Variants in KCTD8 observed in about 807,000 individuals in gnomAD.
KCTD8 encodes the protein BTB/POZ domain-containing protein KCTD8.
In KCTD8, 27 loss-of-function variants were observed where a neutral mutation model predicts 31.5. The observed-to-expected ratio is 0.86, with a 90% CI of 0.63 to 1.18. The LOEUF is 1.18. KCTD8 is among the 50% of genes most tolerant of loss of function. KCTD8 has a pLI of 0.00. For synonymous variants in KCTD8, 290 were observed against 280.0 expected (o/e 1.04, Z -0.36); for missense variants, 658 against 647.7 (o/e 1.02, Z -0.17).
At chr4:44,298,498 C>T (rs984092239) in intron 1 of KCTD8, among the ~76,000 whole-genome samples, 16 of 151,726 alleles carry the variant, frequency 1.1e-4, no homozygotes, top group African/African-American at 3.9e-4. Flanking sequence ...ACCACAGTTT[C>T]CTACATTTTT....
chr4:44,214,846 T>G (rs1056460956), intron 1 of KCTD8, among the ~76,000 whole-genome samples: 2 of 152,172 alleles, frequency 1.3e-5, no homozygotes, highest in African/African-American at 4.8e-5. Context: ...AGTAATAGTT[T>G]AGGAGTCATG....
chr4:44,332,747 T>C (rs1718622802), intron 1 of KCTD8, among the ~76,000 whole-genome samples: 2 of 152,002 alleles, frequency 1.3e-5, no homozygotes, highest in African/African-American at 4.8e-5. Flanking sequence ...GACAAATCCA[T>C]CATACAAATT....
intron 1 of KCTD8, among the ~76,000 whole-genome samples, chr4:44,423,616 A>C (rs1560451281): frequency 6.6e-6 from 1 of 152,098 alleles, no homozygotes; most frequent in Non-Finnish European, 1.5e-5. Context: ...GCAAACCCAG[A>C]ATTCTAAAGA....
chr4:44,315,117 GAGTT>G (rs1053118550), intron 1 of KCTD8, among the ~76,000 whole-genome samples: 8 of 151,792 alleles, frequency 5.3e-5, no homozygotes, highest in Non-Finnish European at 1.0e-4. Context: ...AAATGTTTGT[GAGTT>G]AATCATTTTA....
intron 1 of KCTD8, among the ~76,000 whole-genome samples, chr4:44,431,384 T>C (rs1250641504): frequency 6.6e-6 from 1 of 151,566 alleles, no homozygotes; most frequent in Non-Finnish European, 1.5e-5. Flanking sequence ...ATCTTCGGGA[T>C]AAAGATCTTA....
intron 1 of KCTD8, among the ~76,000 whole-genome samples, chr4:44,235,575 ATTT>A (rs1715252124): frequency 2.9e-5 from 2 of 69,332 alleles, no homozygotes; most frequent in African/African-American, 6.7e-5. Context: ...ATATATATAT[ATTT>A]AGAGAGAGAG....
At chr4:44,186,525 A>C (rs1214918572) in intron 1 of KCTD8, among the ~76,000 whole-genome samples, 1 of 152,232 alleles carries the variant, frequency 6.6e-6, no homozygotes, top group Non-Finnish European at 1.5e-5. Flanking sequence ...TGCCGCCTAC[A>C]GATGGCAAAA....
Position 44,346,272 on chromosome 4 carries a change from G to T in KCTD8, c.961+101291C>A, listed in dbSNP as rs1272423283. Among the ~76,000 whole-genome samples, 6 of 152,188 alleles carry T rather than the reference G, an allele frequency of 3.9e-5. No homozygotes were observed. In the East Asian group the frequency reaches 1.2e-3, roughly 29 times the overall value. On this transcript the variant is annotated intron_variant, in intron 1 of 1. Transcript: ENST00000360029. ...ATTCTGCCTGGTTTCTCAGTTGATT[G>T]CTGTAACCGGATGCCCTTGGTCCTC...
At chr4:44,430,505 C>T (rs1241476165) in intron 1 of KCTD8, among the ~76,000 whole-genome samples, 1 of 151,574 alleles carries the variant, frequency 6.6e-6, no homozygotes, top group Admixed American at 6.6e-5. Context: ...AGAGGTGAAG[C>T]AAATATGTGT....
intron 1 of KCTD8, among the ~76,000 whole-genome samples, chr4:44,344,479 C>G (rs1041052351): frequency 6.6e-6 from 1 of 152,076 alleles, no homozygotes; most frequent in African/African-American, 2.4e-5. Context: ...GTCATTGTGC[C>G]GGGTATGTAC....
At chr4:44,215,440 T>A (rs935938467) in intron 1 of KCTD8, among the ~76,000 whole-genome samples, 2 of 152,194 alleles carry the variant, frequency 1.3e-5, no homozygotes, top group African/African-American at 4.8e-5. Flanking sequence ...TTAGTTGACC[T>A]CAGGATTGTG....
At chr4:44,234,574 A>G (rs1257934072) in intron 1 of KCTD8, among the ~76,000 whole-genome samples, 2 of 152,202 alleles carry the variant, frequency 1.3e-5, no homozygotes, top group Non-Finnish European at 2.9e-5. Context: ...GGAGTGCAGC[A>G]TTGGTCAAGG....
chr4:44,318,231 T>TTTTC (rs746183430), intron 1 of KCTD8, among the ~76,000 whole-genome samples: 4 of 152,202 alleles, frequency 2.6e-5, no homozygotes, highest in Admixed American at 2.6e-4. Context: ...ATACTGTCTG[T>TTTTC]TTTCTTTCTT....
At chr4:44,438,875 T>C (rs564272401) in intron 1 of KCTD8, among the ~76,000 whole-genome samples, 1 of 152,340 alleles carries the variant, frequency 6.6e-6, no homozygotes, top group African/African-American at 2.4e-5. Flanking sequence ...CCTGATACCA[T>C]TCTAACTGTG....
At chr4:44,361,184 G>A (rs554283940) in intron 1 of KCTD8, among the ~76,000 whole-genome samples, 13 of 149,408 alleles carry the variant, frequency 8.7e-5, no homozygotes, top group African/African-American at 3.2e-4. Flanking sequence ...TTTTACAGGA[G>A]AGGCTATAAA....
intron 1 of KCTD8, among the ~76,000 whole-genome samples, chr4:44,277,281 T>C (rs1462675590): frequency 6.6e-6 from 1 of 151,800 alleles, no homozygotes; most frequent in Non-Finnish European, 1.5e-5. Context: ...TATATGAATA[T>C]CTCAAGCTTT....
intron 1 of KCTD8, among the ~76,000 whole-genome samples, chr4:44,372,953 T>C (rs1004538232): frequency 6.6e-6 from 1 of 152,204 alleles, no homozygotes; most frequent in African/African-American, 2.4e-5. Context: ...TCACATAAAA[T>C]ATGGACACTT....
At chr4:44,262,496 T>C (rs1055111342) in intron 1 of KCTD8, among the ~76,000 whole-genome samples, 2 of 152,070 alleles carry the variant, frequency 1.3e-5, no homozygotes, top group African/African-American at 4.8e-5. Context: ...AGATAGAATA[T>C]ATTCTTCGTA....
chr4:44,235,665 G>A (rs1414644810), intron 1 of KCTD8, among the ~76,000 whole-genome samples: 4 of 147,210 alleles, frequency 2.7e-5, no homozygotes, highest in Non-Finnish European at 4.5e-5. Flanking sequence ...ACTAATAATA[G>A]TTTTATTTTA....
Sources: allele counts gnomAD v4.1 joint callset (sites outside exome capture counted in the v4.1 genomes callset), GRCh38; gene constraint gnomAD v4.1.1; transcripts MANE v1.5; gene names NCBI Gene and HGNC (gene_info 2026-07-23, HGNC 2026-07-21).